Variants in ANK3 observed in about 807,000 individuals in gnomAD.
ANK3 encodes the protein ankyrin 3, also known as ankyrin-3.
In ANK3, 57 loss-of-function variants were observed where a neutral mutation model predicts 370.9. That is an observed-to-expected ratio of 0.15 (90% CI 0.12 to 0.19). The LOEUF (loss-of-function observed/expected upper bound fraction) is 0.19, where lower values mean the gene tolerates loss of function less well. Ranked by LOEUF, ANK3 falls within the 10% of genes least tolerant of loss-of-function variation. The pLI is 1.00. For missense variants in ANK3, 4,439 were observed against 5,302.1 expected, an observed-to-expected ratio of 0.84 and a Z score of 5.06; for synonymous variants, 1,929 against 1,946.3, an observed-to-expected ratio of 0.99 and a Z score of 0.23.
intron 9 of ANK3, among the ~76,000 whole-genome samples, chr10:60,212,872 T>A (rs2096878220): frequency 1.3e-5 from 2 of 151,982 alleles, no homozygotes; most frequent in East Asian, 3.9e-4. Flanking sequence ...GTTTTACTAT[T>A]AAAAAAAAGT....
intron 1 of ANK3, among the ~76,000 whole-genome samples, chr10:60,342,555 CTTAA>C (rs2054502846): frequency 6.6e-6 from 1 of 152,130 alleles, no homozygotes; most frequent in Non-Finnish European, 1.5e-5. Flanking sequence ...ATTGGCAGTA[CTTAA>C]TTACATCATG....
intron 1 of ANK3, among the ~76,000 whole-genome samples, chr10:60,625,610 T>G (rs1156827992): frequency 6.6e-6 from 1 of 152,196 alleles, no homozygotes; most frequent in Non-Finnish European, 1.5e-5. Context: ...CAATTACATC[T>G]CTGATTATAC....
chr10:60,594,281 AC>A (rs2077957235), intron 2 of ANK3, among the ~76,000 whole-genome samples: 1 of 152,118 alleles, frequency 6.6e-6, no homozygotes, highest in Non-Finnish European at 1.5e-5. Flanking sequence ...GACTATAGCC[AC>A]AAAAAGACTC....
At chr10:60,485,324 G>A (rs927203769) in intron 2 of ANK3, among the ~76,000 whole-genome samples, 10 of 152,164 alleles carry the variant, frequency 6.6e-5, no homozygotes, top group Admixed American at 4.6e-4. Flanking sequence ...CTACAGTCTC[G>A]GCAAGTCCTA....
intron 2 of ANK3, among the ~76,000 whole-genome samples, chr10:60,580,476 T>A (rs1352804670): frequency 6.6e-6 from 1 of 152,180 alleles, no homozygotes; most frequent in Non-Finnish European, 1.5e-5. Context: ...TAACCACCTC[T>A]ATAAAAGAAT....
rs544459808 is a variant in ANK3, at chr10:60,273,383, G to C, written c.415-3154C>G. Among the ~76,000 whole-genome samples the C allele has an allele frequency of 2.0e-5, 3 of 152,156 alleles. No homozygotes were observed. The South Asian group carries it at 6.2e-4, about 32-fold the overall frequency. ...ATATCATAAAGCTCACCTTTTAAAA[G>C]TGTACAATTTAGTGGCTTTAAGTAT... On this transcript the variant is annotated intron_variant, in intron 4 of 43. Coordinates refer to ENST00000280772, the MANE Select transcript of ANK3 (RefSeq NM_020987.5).
chr10:60,286,932 T>C (rs1241596355), intron 1 of ANK3, among the ~76,000 whole-genome samples: 2 of 152,216 alleles, frequency 1.3e-5, no homozygotes, highest in African/African-American at 4.8e-5. Flanking sequence ...CAAACTGGTA[T>C]AGATATGAGG....
At chr10:60,382,942 AT>A (rs1015962679) in intron 1 of ANK3, among the ~76,000 whole-genome samples, 1 of 152,018 alleles carries the variant, frequency 6.6e-6, no homozygotes, top group Non-Finnish European at 1.5e-5. Flanking sequence ...AATTTAAATG[AT>A]TTATTAAAAT....
At chr10:60,642,544 A>T (rs925094215) in intron 1 of ANK3, among the ~76,000 whole-genome samples, 1 of 151,356 alleles carries the variant, frequency 6.6e-6, no homozygotes, top group Non-Finnish European at 1.5e-5. Context: ...AGAAAACCAA[A>T]CACTGCATGT....
chr10:60,236,955 G>A (rs1251290832), intron 7 of ANK3, among the ~76,000 whole-genome samples: 1 of 152,252 alleles, frequency 6.6e-6, no homozygotes, highest in East Asian at 1.9e-4. Flanking sequence ...GGGAGCGGTT[G>A]TGTTTCTAAA....
chr10:60,415,805 T>C (rs2063649714), intron 2 of ANK3, among the ~76,000 whole-genome samples: 1 of 151,498 alleles, frequency 6.6e-6, no homozygotes, highest in Non-Finnish European at 1.5e-5. Context: ...TAATGGGCAA[T>C]AGGTGCATTG....
chr10:60,630,575 G>A (rs2078467934), intron 1 of ANK3, among the ~76,000 whole-genome samples: 2 of 152,206 alleles, frequency 1.3e-5, no homozygotes, highest in South Asian at 4.1e-4. Context: ...ATGTGGGCTA[G>A]TTTGGGTCAG....
chr10:60,306,859 G>C (rs1477046349), intron 1 of ANK3, among the ~76,000 whole-genome samples: 2 of 152,092 alleles, frequency 1.3e-5, no homozygotes, highest in Non-Finnish European at 2.9e-5. Flanking sequence ...CTCCTGCCCT[G>C]GCCTCCCGAG....
chr10:60,637,738 C>G (rs189604791), intron 1 of ANK3, among the ~76,000 whole-genome samples: 1 of 152,042 alleles, frequency 6.6e-6, no homozygotes, highest in African/African-American at 2.4e-5. Flanking sequence ...TAATGTTAAG[C>G]GAAATATGCA....
At chr10:60,696,131 C>T (rs2079445629) in intron 1 of ANK3, among the ~76,000 whole-genome samples, 1 of 150,146 alleles carries the variant, frequency 6.7e-6, no homozygotes, top group African/African-American at 2.5e-5. Flanking sequence ...CACCTCTATG[C>T]AAATAAACTA....
chr10:60,347,076 G>A (rs1263294089), intron 1 of ANK3, among the ~76,000 whole-genome samples: 1 of 142,000 alleles, frequency 7.0e-6, no homozygotes, highest in African/African-American at 2.7e-5. Flanking sequence ...TATATATATT[G>A]CATTAGTACT....
intron 13 of ANK3, 21 bp from the exon 14 acceptor site, chr10:60,198,558 G>A (rs756036013): frequency 1.9e-6 from 3 of 1,610,478 alleles, no homozygotes; most frequent in Non-Finnish European, 8.5e-7. Flanking sequence ...AGGTAGAAAT[G>A]TAAGGCTGAT....
At chr10:60,669,392 T>C (rs2079038429) in intron 1 of ANK3, among the ~76,000 whole-genome samples, 1 of 152,180 alleles carries the variant, frequency 6.6e-6, no homozygotes, top group Non-Finnish European at 1.5e-5. Context: ...ATTTTGGTTT[T>C]TTTGCCTTAA....
chr10:60,649,361 G>C (rs1399929385), intron 1 of ANK3, among the ~76,000 whole-genome samples: 12 of 152,064 alleles, frequency 7.9e-5, no homozygotes, highest in South Asian at 6.2e-4. Context: ...ATAGTATAAT[G>C]ATTTTTACCA....
Sources: allele counts gnomAD v4.1 joint callset (sites outside exome capture counted in the v4.1 genomes callset), GRCh38; gene constraint gnomAD v4.1.1; transcripts MANE v1.5; gene names NCBI Gene and HGNC (gene_info 2026-07-23, HGNC 2026-07-21).